The following SHTN1 variants were observed in gnomAD, a reference collection of about 807,000 sequenced individuals.
SHTN1 encodes the protein shootin 1.
A neutral mutation model predicts 83.1 loss-of-function variants in SHTN1; 42 were observed. The observed-to-expected ratio is 0.51, with a 90% CI of 0.39 to 0.65. SHTN1 has a LOEUF of 0.65. Among genes scored for constraint, SHTN1 ranks in the 30% least tolerant of loss-of-function variants. The probability of loss-of-function intolerance (pLI) is 0.00; values close to 1 mark genes in which losing one functional copy is unlikely to be tolerated. For synonymous variants in SHTN1, 224 were observed against 247.7 expected (o/e 0.90, Z 0.90); for missense variants, 622 against 737.8 (o/e 0.84, Z 1.82).
At chr10:116,971,390 G>C (rs975777649) in intron 2 of SHTN1, among the ~76,000 whole-genome samples, 4 of 152,090 alleles carry the variant, frequency 2.6e-5, no homozygotes, top group East Asian at 1.9e-4. Context: ...ATGATTTTTT[G>C]GTGTTTAAAA....
At chr10:116,897,654 GA>G (rs1318218410) in intron 16 of SHTN1, among the ~76,000 whole-genome samples, 11 of 152,158 alleles carry the variant, frequency 7.2e-5, no homozygotes, top group Admixed American at 7.2e-4. Flanking sequence ...TTTCCTATAT[GA>G]TCTAATTTAC....
chr10:116,993,101 C>T (rs1296261472), intron 1 of SHTN1, among the ~76,000 whole-genome samples: 2 of 149,446 alleles, frequency 1.3e-5, no homozygotes, highest in Admixed American at 6.7e-5. Flanking sequence ...CTGCAACCTC[C>T]GCCTCCCGGG....
chr10:116,944,492 A>G (rs1293151753), intron 8 of SHTN1, among the ~76,000 whole-genome samples: 4 of 152,194 alleles, frequency 2.6e-5, no homozygotes, highest in Non-Finnish European at 5.9e-5. Context: ...ATACTATTCT[A>G]TATCTGCCTC....
At chr10:116,905,704 T>C (rs754589979) in intron 15 of SHTN1, among the ~76,000 whole-genome samples, 6 of 152,190 alleles carry the variant, frequency 3.9e-5, no homozygotes, top group Admixed American at 2.0e-4. Flanking sequence ...ACTGTTACGA[T>C]AGACTACTTG....
At chr10:116,952,506 A>C (rs1849812627) in intron 5 of SHTN1, among the ~76,000 whole-genome samples, 2 of 152,244 alleles carry the variant, frequency 1.3e-5, no homozygotes, top group Non-Finnish European at 2.9e-5. Flanking sequence ...GATTCAAAAT[A>C]TAACTATTTG....
intron 1 of SHTN1, among the ~76,000 whole-genome samples, chr10:117,103,530 C>CTTTTTTTTTTTTTTTTTTT (rs35229163): frequency 1.3e-5 from 1 of 77,502 alleles, no homozygotes; most frequent in Non-Finnish European, 2.2e-5. Context: ...CCTCCCCTCT[C>CTTTTTTTTTTTTTTTTTTT]TTTTTTTTTT....
chr10:116,971,205 T>A lies in SHTN1; in HGVS notation c.112-2493A>T, dbSNP rs576251214. On this transcript the variant is annotated intron_variant, in intron 2 of 16. Coordinates refer to ENST00000355371, the MANE Select transcript of SHTN1 (RefSeq NM_001127211.3). ...TAAATTAGCAAATCTGGTTACTAAA[T>A]CCTGACTCAGGATCCCCCACCCAGT... is the stretch of plus-strand genomic sequence containing the variant. Among the ~76,000 whole-genome samples, 3 of 152,256 alleles carry A rather than the reference T, an allele frequency of 2.0e-5. No homozygotes were observed. In the East Asian group the frequency reaches 5.8e-4, roughly 29 times the overall value.
intron 1 of SHTN1, among the ~76,000 whole-genome samples, chr10:117,093,980 T>TA (rs1177311707): frequency 6.6e-6 from 1 of 152,188 alleles, no homozygotes. Flanking sequence ...ATTCTTCCAA[T>TA]ATATTATTTT....
chr10:116,950,745 C>A (rs1229071262), intron 6 of SHTN1, among the ~76,000 whole-genome samples: 1 of 152,138 alleles, frequency 6.6e-6, no homozygotes, highest in African/African-American at 2.4e-5. Context: ...CATTGTCCAA[C>A]GGTAAGGTCC....
chr10:116,976,259 T>C (rs1442530866), intron 2 of SHTN1, among the ~76,000 whole-genome samples: 7 of 152,142 alleles, frequency 4.6e-5, no homozygotes, highest in Admixed American at 4.6e-4. Context: ...AACAACTGGT[T>C]TCCCTGAAGA....
At chr10:116,913,050 G>GCACCAC (rs569433136) in intron 13 of SHTN1, among the ~76,000 whole-genome samples, 7 of 151,556 alleles carry the variant, frequency 4.6e-5, no homozygotes, top group Non-Finnish European at 7.4e-5. Context: ...AACCACACTA[G>GCACCAC]CACCACCACC....
At chr10:117,039,377 TTACTC>T (rs1246858085) in intron 2 of SHTN1, among the ~76,000 whole-genome samples, 1 of 152,108 alleles carries the variant, frequency 6.6e-6, no homozygotes. Context: ...GGCAGGGACT[TTACTC>T]TGTATGATAC....
intron 8 of SHTN1, among the ~76,000 whole-genome samples, chr10:116,941,028 T>C (rs1849351516): frequency 6.6e-6 from 1 of 152,232 alleles, no homozygotes; most frequent in African/African-American, 2.4e-5. Flanking sequence ...CACTATGTGA[T>C]AGATATGGTG....
At chr10:117,065,410 G>A (rs1852962015) in intron 1 of SHTN1, among the ~76,000 whole-genome samples, 1 of 151,960 alleles carries the variant, frequency 6.6e-6, no homozygotes, top group African/African-American at 2.4e-5. Context: ...TATTAGGCTG[G>A]GTGTGGTGGC....
intron 6 of SHTN1, among the ~76,000 whole-genome samples, chr10:116,949,263 A>G (rs1218845778): frequency 1.3e-5 from 2 of 152,154 alleles, no homozygotes; most frequent in Non-Finnish European, 2.9e-5. Context: ...TATGCTAGCC[A>G]TCCAATGTAT....
chr10:117,072,421 G>A (rs780332214), intron 1 of SHTN1, among the ~76,000 whole-genome samples: 9 of 152,096 alleles, frequency 5.9e-5, no homozygotes, highest in Non-Finnish European at 1.2e-4. Context: ...CAAGAAACCC[G>A]AGAGGACCCA....
chr10:116,915,763 T>C (rs1429688066), intron 12 of SHTN1, among the ~76,000 whole-genome samples: 4 of 152,186 alleles, frequency 2.6e-5, no homozygotes, highest in Non-Finnish European at 4.4e-5. Context: ...AAGTAGACTT[T>C]GTTCGTTTGT....
At chr10:116,951,855 C>A in intron 6 of SHTN1, 54 bp downstream of exon 6, 2 of 1,033,102 alleles carry the variant, frequency 1.9e-6, no homozygotes. Flanking sequence ...TTAGCAAATC[C>A]CCAAACACCT....
At chr10:117,079,151 C>T (rs2133609665) in intron 1 of SHTN1, among the ~76,000 whole-genome samples, 1 of 150,854 alleles carries the variant, frequency 6.6e-6, no homozygotes, top group East Asian at 2.0e-4. Flanking sequence ...CGTCATCTAG[C>T]ATCAGGTATA....
Sources: allele counts gnomAD v4.1 joint callset (sites outside exome capture counted in the v4.1 genomes callset), GRCh38; gene constraint gnomAD v4.1.1; transcripts MANE v1.5; gene names NCBI Gene and HGNC (gene_info 2026-07-23, HGNC 2026-07-21).